KIAA1217: variants seen among roughly 807,000 people sequenced by gnomAD.
KIAA1217 encodes the protein KIAA1217, also known as sickle tail protein homolog.
In KIAA1217, 88 loss-of-function variants were observed where a neutral mutation model predicts 163.9. The observed-to-expected ratio is 0.54, with a 90% CI of 0.45 to 0.64. The LOEUF (loss-of-function observed/expected upper bound fraction) is 0.64. KIAA1217 is among the 30% of genes least tolerant of loss of function. KIAA1217 has a pLI of 0.00. For synonymous variants in KIAA1217, 903 were observed against 923.1 expected, an observed-to-expected ratio of 0.98 and a Z score of 0.39; for missense variants, 2,372 against 2,475.0, an observed-to-expected ratio of 0.96 and a Z score of 0.88.
intron 2 of KIAA1217, among the ~76,000 whole-genome samples, chr10:24,286,869 A>G (rs939019699): frequency 6.6e-6 from 1 of 152,092 alleles, no homozygotes; most frequent in Non-Finnish European, 1.5e-5. Context: ...TTCCTTTCCT[A>G]CCTGGTGCTA....
chr10:24,313,241 C>T (rs934426373), intron 2 of KIAA1217, among the ~76,000 whole-genome samples: 1 of 152,038 alleles, frequency 6.6e-6, no homozygotes, highest in African/African-American at 2.4e-5. Context: ...GGGTGGGTAC[C>T]CTTATCTGTG....
At chr10:24,414,942 A>T (rs1432764057) in intron 3 of KIAA1217, among the ~76,000 whole-genome samples, 1 of 152,144 alleles carries the variant, frequency 6.6e-6, no homozygotes, top group Non-Finnish European at 1.5e-5. Context: ...AGGTACAACC[A>T]AAAAGTCTTC....
chr10:23,719,839 G>T (rs1837769927), intron 1 of KIAA1217, among the ~76,000 whole-genome samples: 1 of 149,604 alleles, frequency 6.7e-6, no homozygotes, highest in Non-Finnish European at 1.5e-5. Context: ...TCTTGAACCT[G>T]GGAGGTGGAG....
At chr10:24,252,174 G>A (rs2074628918) in intron 2 of KIAA1217, among the ~76,000 whole-genome samples, 1 of 152,116 alleles carries the variant, frequency 6.6e-6, no homozygotes, top group African/African-American at 2.4e-5. Context: ...TTAGTTAAAG[G>A]CAAACAGGTT....
chr10:24,395,790 C>T (rs1222112338), intron 3 of KIAA1217, among the ~76,000 whole-genome samples: 1 of 152,124 alleles, frequency 6.6e-6, no homozygotes, highest in African/African-American at 2.4e-5. Flanking sequence ...CCCACCTCAG[C>T]CTCTCAAGTA....
intron 2 of KIAA1217, among the ~76,000 whole-genome samples, chr10:24,122,214 T>C (rs941363934): frequency 6.6e-6 from 1 of 151,880 alleles, no homozygotes; most frequent in African/African-American, 2.4e-5. Context: ...GTACCCAAGA[T>C]TTAGCTCCTG....
chr10:24,490,042 G>A (rs2065918139), intron 6 of KIAA1217, among the ~76,000 whole-genome samples: 1 of 152,078 alleles, frequency 6.6e-6, no homozygotes, highest in Non-Finnish European at 1.5e-5. Context: ...GTTGTTTAGA[G>A]TAATCGGACT....
intron 1 of KIAA1217, among the ~76,000 whole-genome samples, chr10:23,839,319 G>T (rs1838654715): frequency 6.6e-6 from 1 of 152,082 alleles, no homozygotes; most frequent in Admixed American, 6.6e-5. Flanking sequence ...CTTTTTTGAG[G>T]CATGTGGTTC....
chr10:24,323,661 A>G (rs969459656), intron 2 of KIAA1217, among the ~76,000 whole-genome samples: 3 of 152,146 alleles, frequency 2.0e-5, no homozygotes, highest in Non-Finnish European at 2.9e-5. Context: ...ATGCCATTGT[A>G]AAAACCAGCT....
In KIAA1217 at chr10:23,974,889, C is replaced by A. The variant is rs936549158; in HGVS notation, c.-320-32336C>A. 2.6e-5 allele frequency among the ~76,000 whole-genome samples: 4 copies of A among 151,788 alleles called. No homozygotes were observed. In the East Asian group the frequency reaches 7.8e-4, roughly 30 times the overall value. On this transcript the variant is annotated intron_variant, in intron 1 of 18. Coordinates refer to the KIAA1217 transcript ENST00000376462. ...TAAGGGTAATGATTATCCTTCCCCC[C>A]CCCATAGATAGGCATCTGCTCTTTG...
chr10:24,152,741 CT>C (rs1340344317), intron 2 of KIAA1217, among the ~76,000 whole-genome samples: 9 of 142,404 alleles, frequency 6.3e-5, no homozygotes, highest in African/African-American at 1.8e-4. Context: ...AAAAAAAAAA[CT>C]CTTTGTAAAG....
At chr10:24,418,670 A>T (rs572747732) in intron 3 of KIAA1217, among the ~76,000 whole-genome samples, 2 of 152,298 alleles carry the variant, frequency 1.3e-5, no homozygotes, top group East Asian at 1.9e-4. Context: ...TCTGCGCCTA[A>T]ATCTGCTAAT....
chr10:24,489,756 T>TG (rs905911649), intron 6 of KIAA1217, among the ~76,000 whole-genome samples: 2 of 142,264 alleles, frequency 1.4e-5, no homozygotes, highest in African/African-American at 5.2e-5. Context: ...GCCAGCTACT[T>TG]GGGGGGCTGA....
chr10:23,910,404 T>G (rs1162353400), intron 1 of KIAA1217, among the ~76,000 whole-genome samples: 1 of 151,922 alleles, frequency 6.6e-6, no homozygotes, highest in Non-Finnish European at 1.5e-5. Context: ...AATTTCTCAA[T>G]AGGAAGAGAA....
chr10:24,241,976 T>C (rs1430012456), intron 2 of KIAA1217, among the ~76,000 whole-genome samples: 1 of 152,162 alleles, frequency 6.6e-6, no homozygotes, highest in Non-Finnish European at 1.5e-5. Context: ...CCTGAACTCA[T>C]TCTATGACAG....
rs143478945 is a variant in KIAA1217 at position 24,496,118 on chromosome 10, C to T, written c.1834+922C>T. On this transcript the variant is annotated intron_variant, in intron 8 of 20. Coordinates refer to ENST00000376454, the MANE Select transcript of KIAA1217 (RefSeq NM_019590.5). ...TGAAACCCCAAATTTAGGGAAGCCA[C>T]GTGTACTAGTTTTGTGCAGCACGGT... Among the ~76,000 whole-genome samples the T allele has an allele frequency of 1.7e-3, 255 of 152,350 alleles. 6 individuals are homozygous for T. The East Asian group carries it at 0.029, about 17-fold the overall frequency.
At chr10:24,135,031 T>C (rs773431280) in intron 2 of KIAA1217, among the ~76,000 whole-genome samples, 3 of 152,226 alleles carry the variant, frequency 2.0e-5, no homozygotes, top group Non-Finnish European at 4.4e-5. Context: ...GTCAAATTTC[T>C]ATAGATAGGA....
chr10:23,884,630 C>A (rs1394786544), intron 1 of KIAA1217, among the ~76,000 whole-genome samples: 1 of 151,906 alleles, frequency 6.6e-6, no homozygotes, highest in Non-Finnish European at 1.5e-5. Flanking sequence ...GTAGGGAGGC[C>A]TCTTTCTTGG....
At chr10:23,949,504 C>T (rs1277510007) in intron 1 of KIAA1217, among the ~76,000 whole-genome samples, 1 of 152,018 alleles carries the variant, frequency 6.6e-6, no homozygotes, top group Non-Finnish European at 1.5e-5. Context: ...AATAACATTA[C>T]AAATGCATTA....
Sources: allele counts gnomAD v4.1 joint callset (sites outside exome capture counted in the v4.1 genomes callset), GRCh38; gene constraint gnomAD v4.1.1; transcripts MANE v1.5; gene names NCBI Gene and HGNC (gene_info 2026-07-23, HGNC 2026-07-21).